KCNQ3: variants seen among roughly 807,000 people sequenced by gnomAD.
The protein encoded by KCNQ3 is potassium voltage-gated channel subfamily KQT member 3.
In KCNQ3, 30 loss-of-function variants were observed where a neutral mutation model predicts 92.5. The observed-to-expected ratio is 0.32, with a 90% CI of 0.24 to 0.44. The LOEUF (loss-of-function observed/expected upper bound fraction) is 0.44. Ranked by LOEUF, KCNQ3 falls within the 20% of genes least tolerant of loss-of-function variation. KCNQ3 has a pLI of 1.00. For missense variants in KCNQ3, 913 were observed against 1,140.3 expected (o/e 0.80, Z 2.87); for synonymous variants, 450 against 468.8 (o/e 0.96, Z 0.52).
intron 1 of KCNQ3, among the ~76,000 whole-genome samples, chr8:132,323,544 T>C (rs1339221961): frequency 6.6e-6 from 1 of 152,146 alleles, no homozygotes; most frequent in African/African-American, 2.4e-5. Flanking sequence ...TGTATTGTTT[T>C]CCCCCAAAAC....
intron 1 of KCNQ3, among the ~76,000 whole-genome samples, chr8:132,281,548 GTATA>G (rs34754909): frequency 1.1e-4 from 17 of 149,118 alleles, no homozygotes; most frequent in East Asian, 5.9e-4. Flanking sequence ...ATATGTGTGT[GTATA>G]TATATATATA....
At chr8:132,296,555 AC>A (rs1817030819) in intron 1 of KCNQ3, among the ~76,000 whole-genome samples, 1 of 151,298 alleles carries the variant, frequency 6.6e-6, no homozygotes, top group African/African-American at 2.4e-5. Flanking sequence ...CCACCCCACA[AC>A]AGTCCCCAGA....
At position 132,160,396 on chromosome 8, in the gene KCNQ3, C is replaced by T. The variant is rs915823051; in HGVS notation, c.1262+3072G>A. ...TGTAAATGCTTGAGATCAATTTCCT[C>T]ATAAGTAAAACAGAGGTACAACTCA... is the stretch of plus-strand genomic sequence containing the variant. On this transcript the variant is annotated intron_variant, in intron 9 of 14. Transcript: ENST00000388996. Among the ~76,000 whole-genome samples, 8 of 152,150 alleles carry T rather than the reference C, an allele frequency of 5.3e-5. No individual in the cohort carries two copies. In the South Asian group the frequency reaches 6.2e-4, roughly 12 times the overall value.
At chr8:132,288,254 GC>G (rs1204966131) in intron 1 of KCNQ3, among the ~76,000 whole-genome samples, 1 of 152,050 alleles carries the variant, frequency 6.6e-6, no homozygotes, top group East Asian at 1.9e-4. Flanking sequence ...GATTAATTTA[GC>G]CCCCCACAAA....
intron 9 of KCNQ3, among the ~76,000 whole-genome samples, chr8:132,162,373 T>C (rs903675871): frequency 3.9e-5 from 6 of 152,174 alleles, no homozygotes; most frequent in Admixed American, 2.0e-4. Flanking sequence ...AACACCCTGT[T>C]GGGAGTCTTG....
intron 3 of KCNQ3, 127 bp from the exon 4 acceptor site, chr8:132,180,456 C>T: frequency 1.0e-6 from 1 of 969,952 alleles, no homozygotes; most frequent in Non-Finnish European, 1.6e-6. Flanking sequence ...AATCTGAGCA[C>T]TGCTGTTGAA....
At chr8:132,318,430 A>G (rs2034913) in intron 1 of KCNQ3, among the ~76,000 whole-genome samples, 122,804 of 152,108 alleles carry the variant, frequency 0.81, 50,266 homozygotes, top group African/African-American at 0.93. Flanking sequence ...TCACAGAGGG[A>G]ATCTGTTTGT....
chr8:132,153,322 G>A (rs1825694086), intron 9 of KCNQ3, among the ~76,000 whole-genome samples: 1 of 152,142 alleles, frequency 6.6e-6, no homozygotes, highest in African/African-American at 2.4e-5. Context: ...CATCCAAAGA[G>A]ATCCTTTTCT....
intron 1 of KCNQ3, among the ~76,000 whole-genome samples, chr8:132,192,474 G>C (rs76463347): frequency 6.6e-6 from 1 of 152,118 alleles, no homozygotes; most frequent in African/African-American, 2.4e-5. Context: ...GATTCTCCTG[G>C]GGGTCTTGAC....
intron 1 of KCNQ3, among the ~76,000 whole-genome samples, chr8:132,282,834 T>C (rs1414786475): frequency 6.6e-6 from 1 of 152,198 alleles, no homozygotes; most frequent in Admixed American, 6.5e-5. Flanking sequence ...ACCTGCATGT[T>C]ACATGCCAGA....
rs142725832 is a variant in KCNQ3 at position 132,449,323 on chromosome 8, C to T, written c.386+30824G>A. Among the ~76,000 whole-genome samples, 132 of 152,112 alleles carry T rather than the reference C, an allele frequency of 8.7e-4. No homozygotes were observed. The East Asian group carries it at 0.019, about 22-fold the overall frequency. On this transcript the variant is annotated intron_variant, in intron 1 of 14. Transcript: ENST00000388996. ...CAAATCTGATCATGCCACTCCCGAC[C>T]GTGAAACCCAGTGGCCACAGGATCG...
intron 1 of KCNQ3, among the ~76,000 whole-genome samples, chr8:132,396,949 C>CGT (rs112457824): frequency 0.16 from 24,212 of 149,726 alleles, 2,181 homozygotes; most frequent in Non-Finnish European, 0.22. Flanking sequence ...TGTGTGTGTG[C>CGT]GTGTGTGTGT....
chr8:132,148,310 A>T (rs117099249), intron 9 of KCNQ3, among the ~76,000 whole-genome samples: 8,731 of 152,014 alleles, frequency 0.057, 374 homozygotes, highest in South Asian at 0.12. Context: ...CTCTTGGCTC[A>T]CTGCAACCTC....
Position 132,480,753 on chromosome 8 carries a change from G to C in KCNQ3, c.-221C>G, listed in dbSNP as rs1822544320. 3.9e-6 allele frequency: 1 copy of C among 259,254 alleles called. No individual in the cohort carries two copies. The highest frequency in any genetic ancestry group is 2.4e-5 in the African/African-American group (1 of 42,508). The allele number at this position is 259,254 out of a possible 1,614,324, so 16.1% of individuals were successfully genotyped here. ...GGGGTCAGGGGGTCACATCCCGCGC[G>C]GGTCAGCCGCAGGACCCCGAGGGTC... On this transcript the variant is annotated 5_prime_UTR_variant, in exon 1 of 15. Coordinates refer to ENST00000388996, the MANE Select transcript of KCNQ3 (RefSeq NM_004519.4).
chr8:132,475,505 T>C (rs1822390343), intron 1 of KCNQ3, among the ~76,000 whole-genome samples: 1 of 152,204 alleles, frequency 6.6e-6, no homozygotes, highest in Non-Finnish European at 1.5e-5. Flanking sequence ...ACTTATGGTA[T>C]GCTCTGTCAG....
At chr8:132,155,429 A>G (rs1306283889) in intron 9 of KCNQ3, among the ~76,000 whole-genome samples, 1 of 152,224 alleles carries the variant, frequency 6.6e-6, no homozygotes, top group Non-Finnish European at 1.5e-5. Context: ...GAAAACCTGG[A>G]AATATGGTTG....
chr8:132,201,009 A>G (rs1827441557), intron 1 of KCNQ3, among the ~76,000 whole-genome samples: 1 of 152,200 alleles, frequency 6.6e-6, no homozygotes, highest in African/African-American at 2.4e-5. Flanking sequence ...GTCATGTCAT[A>G]ACATGGCAGA....
At chr8:132,137,102 C>T (rs1377965834) in intron 12 of KCNQ3, among the ~76,000 whole-genome samples, 1 of 151,812 alleles carries the variant, frequency 6.6e-6, no homozygotes, top group Non-Finnish European at 1.5e-5. Flanking sequence ...AACTCCTGAC[C>T]TCAACTGATC....
At chr8:132,188,226 T>A (rs1827061341) in intron 1 of KCNQ3, among the ~76,000 whole-genome samples, 2 of 152,324 alleles carry the variant, frequency 1.3e-5, no homozygotes, top group Middle Eastern at 3.4e-3. Flanking sequence ...TCACCATGAT[T>A]CTGAAGACTT....
Sources: gnomAD v4.1 joint callset for allele counts (sites outside exome capture counted in the v4.1 genomes callset) on GRCh38, gnomAD v4.1.1 for gene constraint, MANE v1.5 for transcripts, NCBI Gene and HGNC (gene_info 2026-07-23, HGNC 2026-07-21) for gene names.